The following DNMT3B variants were observed in gnomAD, a reference collection of about 807,000 sequenced individuals.
DNMT3B encodes DNA (cytosine-5)-methyltransferase 3B.
DNMT3B carries 37 observed loss-of-function variants against 120.2 expected under a neutral mutation model. That is an observed-to-expected ratio of 0.31 (90% CI 0.24 to 0.40). The LOEUF (loss-of-function observed/expected upper bound fraction) is 0.40, where lower values mean the gene tolerates loss of function less well. Ranked by LOEUF, DNMT3B falls within the 10% of genes least tolerant of loss-of-function variation. DNMT3B has a pLI of 1.00. For missense variants in DNMT3B, 878 were observed against 1,137.3 expected, an observed-to-expected ratio of 0.77 and a Z score of 3.28; for synonymous variants, 412 against 442.8, an observed-to-expected ratio of 0.93 and a Z score of 0.87.
chr20:32,799,722 T>C (rs544026285), intron 16 of DNMT3B, among the ~76,000 whole-genome samples: 11 of 152,314 alleles, frequency 7.2e-5, no homozygotes, highest in Admixed American at 6.5e-4. Flanking sequence ...TTCTCCACGT[T>C]GGTCAGGTTG....
chr20:32,788,666 G>A (rs901599819), intron 6 of DNMT3B, among the ~76,000 whole-genome samples, 188 bp from the exon 7 acceptor site: 1 of 152,102 alleles, frequency 6.6e-6, no homozygotes, highest in Non-Finnish European at 1.5e-5. Flanking sequence ...TCCAACTCCT[G>A]GCCTCAAGCG....
At chr20:32,784,061 C>T (rs1419039709) in intron 3 of DNMT3B, among the ~76,000 whole-genome samples, 2 of 152,202 alleles carry the variant, frequency 1.3e-5, no homozygotes, top group Non-Finnish European at 2.9e-5. Context: ...GAATTACAGG[C>T]ACATGCCACC....
chr20:32,791,855 C>A lies in DNMT3B; in HGVS notation c.921+147C>A, dbSNP rs1418716669. 25 of 818,506 alleles carry A rather than the reference C, an allele frequency of 3.1e-5. No individual in the cohort carries two copies. In the Admixed American group the frequency reaches 3.1e-4, roughly 10 times the overall value. 50.7% of individuals were successfully genotyped at this position (818,506 alleles called of 1,614,324 possible). Reference sequence around the variant, plus strand: ...GGTAAATGACAACATAACATGATGGCCACCGGATTGGGCCTCCCAACAAAG... The same window carrying A: ...GGTAAATGACAACATAACATGATGGACACCGGATTGGGCCTCCCAACAAAG... On this transcript the variant is annotated intron_variant, in intron 8 of 22. Coordinates refer to ENST00000328111, the MANE Select transcript of DNMT3B (RefSeq NM_006892.4).
Position 32,781,370 on chromosome 20 carries a change from C to G in DNMT3B, c.160C>G (p.Arg54Gly), listed in dbSNP as rs760640013. 6.2e-7 allele frequency: 1 copy of G among 1,614,142 alleles called. No homozygotes were observed. The highest frequency in any genetic ancestry group is 8.5e-7 in the Non-Finnish European group (1 of 1,180,028). Residue 54 changes from arginine to glycine, a missense_variant, in exon 3 of 23, where the codon CGA becomes GGA. By Grantham distance (125) the Arg-to-Gly change is moderately radical. This residue lies in a region of DNMT3B where 287 missense variants were observed against 306.2 expected (regional missense o/e 0.94). Coordinates refer to ENST00000328111, the MANE Select transcript of DNMT3B (RefSeq NM_006892.4). ...PEIRGRRSSS[R>G]LSKREVSSLL... ...CTCTACAGGCCGAAGATCAAGCTCG[C>G]GACTCTCCAAGAGGGAGGTGTCCAG...
chr20:32,799,462 C>G (rs577825132), intron 16 of DNMT3B, 134 bp downstream of exon 16: 2 of 972,736 alleles, frequency 2.1e-6, no homozygotes, highest in Admixed American at 4.0e-5. Context: ...TGAAAAAAAC[C>G]CTGTCTCCTT....
At chr20:32,765,126 T>C (rs185786639) in intron 1 of DNMT3B, among the ~76,000 whole-genome samples, 11 of 152,362 alleles carry the variant, frequency 7.2e-5, no homozygotes, top group African/African-American at 1.9e-4. Flanking sequence ...TTGTGTGCTC[T>C]TCCTCACACA....
intron 1 of DNMT3B, among the ~76,000 whole-genome samples, chr20:32,774,588 A>G (rs973803488): frequency 7.6e-5 from 10 of 131,560 alleles, no homozygotes; most frequent in African/African-American, 2.9e-4. Flanking sequence ...ACTGGTGGGG[A>G]TTGGGCTTCT....
intron 1 of DNMT3B, among the ~76,000 whole-genome samples, chr20:32,766,961 G>A (rs925231582): frequency 1.3e-5 from 2 of 152,154 alleles, no homozygotes; most frequent in Admixed American, 6.5e-5. Flanking sequence ...CGTGGTCTCG[G>A]CTCACTGCAA....
At chr20:32,804,470 A>T (rs2146076674) in intron 20 of DNMT3B, among the ~76,000 whole-genome samples, 1 of 152,274 alleles carries the variant, frequency 6.6e-6, no homozygotes, top group South Asian at 2.1e-4. Context: ...TCTTGTAGGC[A>T]CGGTTCCCGT....
intron 14 of DNMT3B, 26 bp from the exon 15 acceptor site, chr20:32,798,434 T>A (rs371822289): frequency 2.5e-5 from 41 of 1,613,838 alleles, no homozygotes; most frequent in Non-Finnish European, 1.7e-6. Flanking sequence ...GACAAAGGCA[T>A]CCCTTCTCCC....
chr20:32,808,075 G>T lies in DNMT3B; in HGVS notation c.*172G>T. 9.2e-7 allele frequency: 1 copy of T among 1,091,426 alleles called. No individual in the cohort carries two copies. The highest frequency in any genetic ancestry group is 1.5e-5 in the South Asian group (1 of 67,868). The allele number at this position is 1,091,426 out of a possible 1,614,324, so 67.6% of individuals were successfully genotyped here. On this transcript the variant is annotated 3_prime_UTR_variant, in exon 23 of 23. Transcript: ENST00000328111. Reference sequence around the variant, plus strand: ...GAGCCACCTGACTCTTGCAGGGGTAGCCTGAGGTGCCGCCTCCTTGTGCAC... The same window carrying T: ...GAGCCACCTGACTCTTGCAGGGGTATCCTGAGGTGCCGCCTCCTTGTGCAC...
At chr20:32,787,146 C>T in intron 5 of DNMT3B, 84 bp from the exon 6 acceptor site, 1 of 1,513,684 alleles carries the variant, frequency 6.6e-7, no homozygotes, top group Non-Finnish European at 9.2e-7. Context: ...TTCTTTTTGC[C>T]TAGGAGCCAT....
chr20:32,766,993 T>C (rs756911248), intron 1 of DNMT3B, among the ~76,000 whole-genome samples: 1 of 152,080 alleles, frequency 6.6e-6, no homozygotes, highest in Non-Finnish European at 1.5e-5. Flanking sequence ...CGAGTTCAAG[T>C]GATTCTCCTG....
chr20:32,780,123 C>G (rs752017376), intron 1 of DNMT3B, 195 bp from the exon 2 acceptor site: 2 of 1,613,796 alleles, frequency 1.2e-6, no homozygotes, highest in East Asian at 2.2e-5. Context: ...CACATGGAAC[C>G]AAGTCCTGAG....
chr20:32,770,698 C>T (rs900226825), intron 1 of DNMT3B, among the ~76,000 whole-genome samples: 8 of 150,282 alleles, frequency 5.3e-5, no homozygotes, highest in South Asian at 2.1e-4. Flanking sequence ...CCACAACCTC[C>T]GCCTCCCGGG....
At chr20:32,800,587 GTGCTGGGATTACAGGCACC>G (rs1412169280) in intron 17 of DNMT3B, among the ~76,000 whole-genome samples, 1 of 152,076 alleles carries the variant, frequency 6.6e-6, no homozygotes, top group East Asian at 1.9e-4. Context: ...GCCTCCCAAA[GTGCTGGGATTACAGGCACC>G]TGCCACCATG....
chr20:32,801,812 T>A (rs1981378674), intron 19 of DNMT3B, among the ~76,000 whole-genome samples: 1 of 152,136 alleles, frequency 6.6e-6, no homozygotes, highest in Non-Finnish European at 1.5e-5. Context: ...CTTGAACTCC[T>A]GGGCTCAAGC....
chr20:32,764,852 G>A (rs1054631830), intron 1 of DNMT3B, among the ~76,000 whole-genome samples: 1 of 152,178 alleles, frequency 6.6e-6, no homozygotes, highest in African/African-American at 2.4e-5. Context: ...AGGGGTCTAA[G>A]GGAGGAGCAA....
chr20:32,779,941 A>G, intron 1 of DNMT3B: 1 of 780,992 alleles, frequency 1.3e-6, no homozygotes, highest in East Asian at 2.7e-5. Context: ...AGAGGGGGCC[A>G]GGGCCAGAGG....
Sources: gnomAD v4.1 joint callset for allele counts (sites outside exome capture counted in the v4.1 genomes callset) on GRCh38, gnomAD v4.1.1 for gene constraint, gnomAD v4.1.1 regional missense constraint, MANE v1.5 for transcripts, NCBI Gene and HGNC (gene_info 2026-07-23, HGNC 2026-07-21) for gene names.